UBE2E3: variants seen among roughly 807,000 people sequenced by gnomAD.
UBE2E3 encodes ubiquitin-conjugating enzyme E2 E3.
Under a neutral mutation model 23.6 loss-of-function variants are expected in UBE2E3, and 5 were observed. The ratio of observed to expected loss-of-function variants is 0.21; its 90% CI spans 0.11 to 0.44. The LOEUF (loss-of-function observed/expected upper bound fraction) is 0.44. Ranked by LOEUF, UBE2E3 falls within the 20% of genes least tolerant of loss-of-function variation. The pLI is 0.99. For missense variants in UBE2E3, 81 were observed against 249.8 expected, an observed-to-expected ratio of 0.32 and a Z score of 4.55; for synonymous variants, 78 against 87.5, an observed-to-expected ratio of 0.89 and a Z score of 0.60.
intron 3 of UBE2E3, among the ~76,000 whole-genome samples, chr2:181,050,601 G>A (rs1686814329): frequency 6.6e-6 from 1 of 151,766 alleles, no homozygotes; most frequent in South Asian, 2.1e-4. Flanking sequence ...TTTTATTTTT[G>A]GCAGGAGCTG....
chr2:181,057,384 G>A lies in UBE2E3; in HGVS notation c.246-309G>A, dbSNP rs549713260. On this transcript the variant is annotated intron_variant, in intron 3 of 5. Transcript: ENST00000410062. ...AGTATGTCTCTATGCATGCTTGCAG[G>A]TTTAGAGGGGTGTGTGTTTCGGGAG... Among the ~76,000 whole-genome samples, 5 of 151,168 alleles carry A rather than the reference G, an allele frequency of 3.3e-5. No individual in the cohort carries two copies. In the South Asian group the frequency reaches 6.3e-4, roughly 19 times the overall value.
chr2:181,013,133 AT>A (rs768125584), intron 3 of UBE2E3, among the ~76,000 whole-genome samples: 8 of 152,060 alleles, frequency 5.3e-5, no homozygotes, highest in South Asian at 4.1e-4. Context: ...GACTACATTA[AT>A]TTTTTTAAAT....
intron 3 of UBE2E3, among the ~76,000 whole-genome samples, chr2:181,030,091 C>G (rs1473471173): frequency 2.6e-5 from 4 of 151,988 alleles, no homozygotes; most frequent in Non-Finnish European, 5.9e-5. Flanking sequence ...TTCGGCCTCC[C>G]AAAGTGCTGC....
At chr2:181,047,970 A>C (rs560702657) in intron 3 of UBE2E3, among the ~76,000 whole-genome samples, 12 of 152,034 alleles carry the variant, frequency 7.9e-5, no homozygotes, top group African/African-American at 2.9e-4. Flanking sequence ...TGTACTTCCC[A>C]TGTTCTCTTC....
At chr2:180,994,289 A>G (rs771201361) in intron 3 of UBE2E3, among the ~76,000 whole-genome samples, 4 of 152,186 alleles carry the variant, frequency 2.6e-5, no homozygotes, top group Non-Finnish European at 4.4e-5. Flanking sequence ...AACATATGCA[A>G]AAGTAAACAG....
intron 3 of UBE2E3, among the ~76,000 whole-genome samples, chr2:180,989,710 A>G (rs975664073): frequency 1.3e-5 from 2 of 152,188 alleles, no homozygotes; most frequent in African/African-American, 4.8e-5. Flanking sequence ...TTCAATGCAG[A>G]TAATGTAATT....
At chr2:180,992,614 G>C (rs2105577930) in intron 3 of UBE2E3, among the ~76,000 whole-genome samples, 1 of 152,236 alleles carries the variant, frequency 6.6e-6, no homozygotes, top group East Asian at 1.9e-4. Context: ...TCCCACCTCA[G>C]CCTTCCGAGT....
intron 3 of UBE2E3, among the ~76,000 whole-genome samples, chr2:181,048,998 T>C (rs1027809624): frequency 1.3e-5 from 2 of 152,150 alleles, no homozygotes; most frequent in Admixed American, 1.3e-4. Flanking sequence ...CTCCCTCTCT[T>C]GGGCAGTAGA....
At chr2:181,017,708 GTTTT>G (rs1396281134) in intron 3 of UBE2E3, among the ~76,000 whole-genome samples, 1 of 148,736 alleles carries the variant, frequency 6.7e-6, no homozygotes, top group African/African-American at 2.5e-5. Context: ...AGCATAAAAG[GTTTT>G]TTTGTTTTTC....
chr2:181,024,753 T>C (rs1302657950), intron 3 of UBE2E3, among the ~76,000 whole-genome samples: 1 of 152,106 alleles, frequency 6.6e-6, no homozygotes, highest in East Asian at 1.9e-4. Context: ...AAGGTATTGA[T>C]GTAACTATTT....
intron 3 of UBE2E3, among the ~76,000 whole-genome samples, chr2:181,047,764 C>G (rs1174494013): frequency 6.6e-6 from 1 of 152,098 alleles, no homozygotes; most frequent in Admixed American, 6.6e-5. Context: ...CTCCGGGCCT[C>G]CTCCAGACCA....
At chr2:180,988,900 A>G (rs764196397) in intron 3 of UBE2E3, among the ~76,000 whole-genome samples, 6 of 151,908 alleles carry the variant, frequency 3.9e-5, no homozygotes, top group Non-Finnish European at 5.9e-5. Context: ...TTTATTTTCA[A>G]TTCTTCAAAA....
At chr2:181,024,916 A>C (rs1174133866) in intron 3 of UBE2E3, among the ~76,000 whole-genome samples, 1 of 152,016 alleles carries the variant, frequency 6.6e-6, no homozygotes, top group Non-Finnish European at 1.5e-5. Flanking sequence ...ATGTATTACT[A>C]TACTGCTTCA....
intron 3 of UBE2E3, among the ~76,000 whole-genome samples, chr2:181,050,263 G>A (rs1270449124): frequency 6.6e-6 from 1 of 151,918 alleles, no homozygotes; most frequent in Non-Finnish European, 1.5e-5. Context: ...GGCCATATTT[G>A]TTTTGAAGGT....
rs150734252 is a variant in UBE2E3, at chr2:181,020,759, T to C, written c.245+36666T>C. The stretch of plus-strand genomic sequence containing the variant: ...AGGTAAATGGTTAAAGTGGGTTTCA[T>C]ATGTAATGCATAAGGAAAAAAGTAA... On this transcript the variant is annotated intron_variant, in intron 3 of 5. Coordinates refer to ENST00000410062, the MANE Select transcript of UBE2E3 (RefSeq NM_006357.4). Among the ~76,000 whole-genome samples, 695 of 152,282 alleles carry C rather than the reference T, an allele frequency of 4.6e-3. 5 individuals carry two copies. The highest frequency in any genetic ancestry group is 0.016 in the African/African-American group (652 of 41,560).
intron 3 of UBE2E3, among the ~76,000 whole-genome samples, chr2:181,054,765 A>G (rs1002067787): frequency 1.3e-5 from 2 of 151,798 alleles, no homozygotes; most frequent in African/African-American, 4.8e-5. Flanking sequence ...TATTGGTGGT[A>G]TTGGGAGCCG....
chr2:181,020,727 G>C (rs1188334497), intron 3 of UBE2E3, among the ~76,000 whole-genome samples: 1 of 151,910 alleles, frequency 6.6e-6, no homozygotes, highest in Non-Finnish European at 1.5e-5. Flanking sequence ...TAGAGCTAAG[G>C]GAAAAAAGGT....
chr2:181,048,508 A>T (rs1686737687), intron 3 of UBE2E3, among the ~76,000 whole-genome samples: 1 of 152,182 alleles, frequency 6.6e-6, no homozygotes, highest in African/African-American at 2.4e-5. Flanking sequence ...TAGAGATTAC[A>T]TAAGAATTCA....
intron 3 of UBE2E3, among the ~76,000 whole-genome samples, chr2:181,021,562 T>TCCTCCCTCCCTC (rs1685681875): frequency 5.7e-5 from 2 of 35,332 alleles, no homozygotes; most frequent in African/African-American, 2.4e-4. Flanking sequence ...CTCCCTTCCT[T>TCCTCCCTCCCTC]CCTTCCTTCC....
Sources: allele counts gnomAD v4.1 joint callset (sites outside exome capture counted in the v4.1 genomes callset), GRCh38; gene constraint gnomAD v4.1.1; transcripts MANE v1.5; gene names NCBI Gene and HGNC (gene_info 2026-07-23, HGNC 2026-07-21).